The following UBLCP1 variants were observed in gnomAD, a reference collection of about 807,000 sequenced individuals.
UBLCP1 encodes the protein ubiquitin-like domain-containing CTD phosphatase 1.
Under a neutral mutation model 42.4 loss-of-function variants are expected in UBLCP1, and 28 were observed. The ratio of observed to expected loss-of-function variants is 0.66; its 90% CI spans 0.49 to 0.90. The LOEUF is 0.90. Among genes scored for constraint, UBLCP1 ranks in the 40% least tolerant of loss-of-function variants. The pLI is 0.00. For missense variants in UBLCP1, 279 were observed against 374.5 expected, an observed-to-expected ratio of 0.75 and a Z score of 2.10; for synonymous variants, 122 against 120.8, an observed-to-expected ratio of 1.01 and a Z score of -0.07.
At chr5:159,278,036 G>A (rs539781959) in intron 8 of UBLCP1, among the ~76,000 whole-genome samples, 18 of 152,158 alleles carry the variant, frequency 1.2e-4, no homozygotes, top group Non-Finnish European at 2.1e-4. Flanking sequence ...AGTTGGACAT[G>A]AACAAACCTT....
chr5:159,274,457 A>T, intron 6 of UBLCP1, 128 bp from the exon 7 acceptor site: 2 of 629,408 alleles, frequency 3.2e-6, no homozygotes, highest in South Asian at 4.8e-5. Context: ...TACCATAAGT[A>T]TGCTAGGGAC....
At chr5:159,274,904 A>G (rs1753514377) in intron 7 of UBLCP1, among the ~76,000 whole-genome samples, 2 of 152,212 alleles carry the variant, frequency 1.3e-5, no homozygotes, top group South Asian at 4.1e-4. Flanking sequence ...TCTAGTGTGC[A>G]ATACTTAAAG....
In UBLCP1 at chr5:159,268,896, C is replaced by T; in HGVS notation, c.-20C>T. ...TATTTTTTTTTCTGAAGGAAAGCTG[C>T]TTCCTCATATGTTTCAAGAATGGCT... On this transcript the variant is annotated 5_prime_UTR_variant, in exon 2 of 11. Transcript: ENST00000296786. The T allele has an allele frequency of 1.3e-6, 2 of 1,597,034 alleles. No individual in the cohort carries two copies. Among genetic ancestry groups the T allele is most frequent in the South Asian group, 1.2e-5 (1 of 86,612 alleles).
In UBLCP1 at chr5:159,274,546, C is replaced by T. The variant is rs774229216; in HGVS notation, c.548-39C>T. 3.2e-6 allele frequency: 5 copies of T among 1,559,010 alleles called. No individual in the cohort carries two copies. In the South Asian group the frequency reaches 6.0e-5, roughly 19 times the overall value. The stretch of plus-strand genomic sequence containing the variant: ...CAGATTTTTTTTAAAGAAATTCAAG[C>T]TTTTCATATGTATTGTATTATCATT... On this transcript the variant is annotated intron_variant, in intron 6 of 10. Transcript: ENST00000296786.
At position 159,279,783 on chromosome 5, in the gene UBLCP1, A is replaced by G. The variant is rs115956399; in HGVS notation, c.801+1429A>G. Among the ~76,000 whole-genome samples, 851 of 152,340 alleles carry G rather than the reference A, an allele frequency of 5.6e-3. 8 individuals carry two copies. Among genetic ancestry groups the G allele is most frequent in the African/African-American group, 0.019 (803 of 41,588 alleles). On this transcript the variant is annotated intron_variant, in intron 9 of 10. Transcript: ENST00000296786. ...GCACCAGGTAAAGGTACAAAAATGTATTCTTGAGTCTTGAGAAGAAATGTG... is the reference window on the plus strand; with the variant it reads ...GCACCAGGTAAAGGTACAAAAATGTGTTCTTGAGTCTTGAGAAGAAATGTG...
chr5:159,282,541 G>A (rs1217756772), intron 9 of UBLCP1, among the ~76,000 whole-genome samples: 1 of 151,898 alleles, frequency 6.6e-6, no homozygotes, highest in Non-Finnish European at 1.5e-5. Context: ...CCCCTACCTC[G>A]GTCTATTATT....
rs921604387 is a variant in UBLCP1 at position 159,285,798 on chromosome 5, A to G, written c.*867A>G. ...AAAGTTTTTGTTCTGTTCCAGCTATATCTTGTCTAAGTGCTAACACTGTTT... is the reference window on the plus strand; with the variant it reads ...AAAGTTTTTGTTCTGTTCCAGCTATGTCTTGTCTAAGTGCTAACACTGTTT... On this transcript the variant is annotated 3_prime_UTR_variant, in exon 11 of 11. Coordinates refer to ENST00000296786, the MANE Select transcript of UBLCP1 (RefSeq NM_145049.5). The G allele has an allele frequency of 1.3e-5, 2 of 152,774 alleles. No homozygotes were observed. Among genetic ancestry groups the G allele is most frequent in the East Asian group, 3.7e-4 (2 of 5,342 alleles). 9.5% of individuals were successfully genotyped at this position (152,774 alleles called of 1,614,324 possible).
intron 9 of UBLCP1, among the ~76,000 whole-genome samples, chr5:159,280,103 A>G (rs1349608467): frequency 6.6e-6 from 1 of 152,182 alleles, no homozygotes; most frequent in South Asian, 2.1e-4. Context: ...AGGAATTCCT[A>G]AAAATACGTA....
At chr5:159,275,944 T>G (rs1383709043) in intron 8 of UBLCP1, among the ~76,000 whole-genome samples, 3 of 152,180 alleles carry the variant, frequency 2.0e-5, no homozygotes, top group Non-Finnish European at 4.4e-5. Flanking sequence ...TCATGATGCA[T>G]GTACTTTGGG....
At chr5:159,277,708 A>G (rs1753555449) in intron 8 of UBLCP1, among the ~76,000 whole-genome samples, 1 of 152,238 alleles carries the variant, frequency 6.6e-6, no homozygotes, top group Non-Finnish European at 1.5e-5. Flanking sequence ...TCCGAAGTTA[A>G]GCAATCAAAT....
intron 8 of UBLCP1, among the ~76,000 whole-genome samples, chr5:159,277,259 AT>A (rs1753550954): frequency 6.6e-6 from 1 of 152,136 alleles, no homozygotes; most frequent in African/African-American, 2.4e-5. Context: ...GTAAATTAAA[AT>A]ATTTCATTAA....
intron 6 of UBLCP1, among the ~76,000 whole-genome samples, chr5:159,273,393 G>A (rs1314506226): frequency 6.6e-6 from 1 of 151,992 alleles, no homozygotes; most frequent in African/African-American, 2.4e-5. Flanking sequence ...CTTCACTTTG[G>A]AGCTAAATAG....
Position 159,283,264 on chromosome 5 carries a change from TA to T in UBLCP1, c.858del (p.Lys286AsnfsTer2). ...AATCGTGATAAAGACAAAGAACTTT[TA>T]AAATTAACTCAGTACCTCAAGGAGA... ...HLNRDKDKEL[L>X]KLTQYLKEIA... On this transcript the variant is annotated frameshift_variant, in exon 10 of 11. Transcript: ENST00000296786. LOFTEE classifies it high-confidence loss of function. 1.2e-6 allele frequency: 2 copies of T among 1,606,918 alleles called. No homozygotes were observed. The highest frequency in any genetic ancestry group is 1.3e-5 in the African/African-American group (1 of 74,706).
At chr5:159,273,822 T>G (rs1753500121) in intron 6 of UBLCP1, among the ~76,000 whole-genome samples, 1 of 135,636 alleles carries the variant, frequency 7.4e-6, no homozygotes. Context: ...GTTCCTCTTT[T>G]GCTTTTAAAA....
chr5:159,264,593 A>G (rs1753351081), intron 1 of UBLCP1, among the ~76,000 whole-genome samples: 1 of 152,218 alleles, frequency 6.6e-6, no homozygotes, highest in Non-Finnish European at 1.5e-5. Context: ...TTTATTAACC[A>G]TATAGAGCCC....
At chr5:159,280,015 A>C (rs766422923) in intron 9 of UBLCP1, among the ~76,000 whole-genome samples, 1 of 152,074 alleles carries the variant, frequency 6.6e-6, no homozygotes, top group Non-Finnish European at 1.5e-5. Flanking sequence ...GCAGGGAGAG[A>C]TGTTATTGTA....
chr5:159,284,100 T>G (rs985776264), intron 10 of UBLCP1, among the ~76,000 whole-genome samples: 1 of 152,164 alleles, frequency 6.6e-6, no homozygotes, highest in Non-Finnish European at 1.5e-5. Context: ...ACTTTTCAGA[T>G]CAGTTTGACA....
In UBLCP1 at chr5:159,278,227, T is replaced by C. The variant is rs1378401510; in HGVS notation, c.685-11T>C. The C allele has an allele frequency of 1.3e-6, 2 of 1,581,020 alleles. No homozygotes were observed. The highest frequency in any genetic ancestry group is 2.2e-5 in the East Asian group (1 of 44,636). On this transcript the variant is annotated splice_polypyrimidine_tract_variant and intron_variant, in intron 8 of 10. Transcript: ENST00000296786. Reference sequence around the variant, plus strand: ...ATAAAATTTGAGTTAAATGTAAACTTTTATTCTAAGGTAAAGCCTCTTGGT... The same window carrying C: ...ATAAAATTTGAGTTAAATGTAAACTCTTATTCTAAGGTAAAGCCTCTTGGT...
rs1753437366 is a variant in UBLCP1 at position 159,269,438 on chromosome 5, CTGT to C, written c.154+371_154+373del. On this transcript the variant is annotated intron_variant, in intron 2 of 10. Coordinates refer to ENST00000296786, the MANE Select transcript of UBLCP1 (RefSeq NM_145049.5). The stretch of plus-strand genomic sequence containing the variant: ...TCGTACTCTTCCCAAATTATCTTTT[CTGT>C]TTCAAAAGTAAAGACAACATTTAAA... Among the ~76,000 whole-genome samples, 3 of 152,272 alleles carry C rather than the reference CTGT, an allele frequency of 2.0e-5. No homozygotes were observed. In the South Asian group the frequency reaches 6.2e-4, roughly 32 times the overall value.
Sources: gnomAD v4.1 joint callset for allele counts (sites outside exome capture counted in the v4.1 genomes callset) on GRCh38, gnomAD v4.1.1 for gene constraint, MANE v1.5 for transcripts, NCBI Gene and HGNC (gene_info 2026-07-23, HGNC 2026-07-21) for gene names.